PSG11: variants seen among roughly 807,000 people sequenced by gnomAD.
PSG11 encodes pregnancy specific beta-1-glycoprotein 11.
PSG11 carries 42 observed loss-of-function variants against 36.0 expected under a neutral mutation model. That is an observed-to-expected ratio of 1.17 (90% CI 0.91 to 1.51). The LOEUF is 1.51. Among genes scored for constraint, PSG11 ranks in the 40% most tolerant of loss-of-function variants. The pLI, the probability that PSG11 is intolerant of heterozygous loss-of-function variation, is 0.00. For missense variants in PSG11, 558 were observed against 403.5 expected (o/e 1.38, Z -3.28); for synonymous variants, 206 against 153.5 (o/e 1.34, Z -2.53).
chr19:43,015,805 C>T, intron 3 of PSG11: 2 of 1,610,312 alleles, frequency 1.2e-6, no homozygotes, highest in South Asian at 1.1e-5. Context: ...GCGGATGCCA[C>T]CATATCGGTC....
chr19:43,025,933 T>TTTC (rs1967240366), intron 1 of PSG11, among the ~76,000 whole-genome samples: 2 of 86,946 alleles, frequency 2.3e-5, no homozygotes, highest in East Asian at 6.5e-4. Flanking sequence ...TTTTTTTTTT[T>TTTC]CTCTTTTTTT....
At chr19:43,024,252 A>G (rs1967179026) in intron 2 of PSG11, among the ~76,000 whole-genome samples, 1 of 151,384 alleles carries the variant, frequency 6.6e-6, no homozygotes, top group South Asian at 2.1e-4. Flanking sequence ...CAGCCCTGGA[A>G]CAGGCTCCTC....
chr19:43,010,479 G>A, intron 4 of PSG11: 7 of 1,090,834 alleles, frequency 6.4e-6, no homozygotes, highest in East Asian at 2.9e-5. Context: ...CACCTCCTTT[G>A]CACAGAAAGC....
intron 4 of PSG11, chr19:43,014,860 C>T: frequency 1.5e-6 from 2 of 1,360,010 alleles, no homozygotes; most frequent in Non-Finnish European, 1.9e-6. Context: ...GCCTCTTCTA[C>T]CACATAGGGC....
rs527738960 is a variant in PSG11, at chr19:43,008,403, G to T, written c.*41-361C>A. Among the ~76,000 whole-genome samples, 3 of 151,162 alleles carry T rather than the reference G, an allele frequency of 2.0e-5. No homozygotes were observed. In the East Asian group the frequency reaches 5.8e-4, roughly 29 times the overall value. On this transcript the variant is annotated intron_variant, in intron 5 of 5. Transcript: ENST00000320078. ...TTCTTCTGCCTCAGCCTCCTGAGTA[G>T]CTGGGACTACAGGTGCCTGCCACCA...
rs1036680812 is a variant in PSG11, at chr19:43,010,288, A to G, written c.965-247T>C. ...CACTCAGGTATTTTGGAAGGCTTTC[A>G]GACGTGAGAAAGGCTGATTGCTATT... On this transcript the variant is annotated intron_variant, in intron 4 of 5. Coordinates refer to ENST00000320078, the MANE Select transcript of PSG11 (RefSeq NM_002785.3). 1.8e-5 allele frequency: 26 copies of G among 1,479,178 alleles called. No individual in the cohort carries two copies. In the African/African-American group the frequency reaches 3.3e-4, roughly 19 times the overall value. 91.6% of individuals were successfully genotyped at this position (1,479,178 alleles called of 1,614,324 possible).
intron 1 of PSG11, 31 bp downstream of exon 1, chr19:43,026,278 C>G: frequency 6.2e-7 from 1 of 1,608,862 alleles, no homozygotes; most frequent in South Asian, 1.1e-5. Context: ...GCTTCCTCCT[C>G]CTGTCCTCTC....
In PSG11 at chr19:43,012,958, G is replaced by T. The variant is rs191447035; in HGVS notation, c.964+2158C>A. Among the ~76,000 whole-genome samples the T allele has an allele frequency of 6.0e-3, 912 of 151,410 alleles. 27 individuals carry two copies. Among genetic ancestry groups the T allele is most frequent in the African/African-American group, 0.021 (863 of 41,080 alleles). Reference sequence around the variant, plus strand: ...ACATAGAAATTAATGAAATATCATAGCCCAGAAAGAAATGCTTGCATATAT... The same window carrying T: ...ACATAGAAATTAATGAAATATCATATCCCAGAAAGAAATGCTTGCATATAT... On this transcript the variant is annotated intron_variant, in intron 4 of 5. Transcript: ENST00000320078.
intron 2 of PSG11, chr19:43,019,788 T>G (rs1568490607): frequency 6.6e-6 from 1 of 151,848 alleles, no homozygotes. Context: ...GGGTCTATGA[T>G]GCTCCCTTCC....
At chr19:43,017,971 C>T (rs531851952) in intron 3 of PSG11, among the ~76,000 whole-genome samples, 13 of 151,274 alleles carry the variant, frequency 8.6e-5, no homozygotes, top group Admixed American at 8.6e-4. Context: ...CAGGCAAATG[C>T]TGGTGGTTTT....
chr19:43,016,801 CT>C (rs939154736), intron 3 of PSG11, among the ~76,000 whole-genome samples: 4 of 151,516 alleles, frequency 2.6e-5, no homozygotes, highest in African/African-American at 9.7e-5. Flanking sequence ...GTTTCCTTTC[CT>C]TCTGCAGAGG....
intron 4 of PSG11, chr19:43,014,890 C>T: frequency 7.1e-7 from 1 of 1,401,890 alleles, no homozygotes; most frequent in Non-Finnish European, 9.5e-7. Flanking sequence ...ATAAAGCCCC[C>T]TCCCTACCTT....
In PSG11 at chr19:43,026,315, G is replaced by C. The variant is rs1142248; in HGVS notation, c.58C>G (p.Leu20Val). 8.7e-6 allele frequency: 14 copies of C among 1,610,742 alleles called. No homozygotes were observed. The highest frequency in any genetic ancestry group is 4.5e-5 in the East Asian group (2 of 44,676). ...TEHIKWKGLL[L>V]TALLLNFWNL... ...CAGGAAGTTCTCTCCTCACCTGTGAGCAGGAGCCCCTTCCATTTGATGTGC... is the reference window on the plus strand; with the variant it reads ...CAGGAAGTTCTCTCCTCACCTGTGACCAGGAGCCCCTTCCATTTGATGTGC... Residue 20 changes from leucine (L) to valine (V), a missense_variant, in exon 1 of 6, where the codon CTC becomes GTC. Physicochemically the swap from Leu to Val is conservative, Grantham distance 32. Coordinates refer to ENST00000320078, the MANE Select transcript of PSG11 (RefSeq NM_002785.3).
chr19:43,017,337 T>A (rs903344515), intron 3 of PSG11: 1 of 151,576 alleles, frequency 6.6e-6, no homozygotes, highest in Non-Finnish European at 1.5e-5. Context: ...TCAGTGAGAA[T>A]TTCTTTTCAG....
Position 43,018,762 on chromosome 19 carries a change from A to G in PSG11, c.709+8T>C, listed in dbSNP as rs775059548. 8.7e-6 allele frequency: 14 copies of G among 1,612,086 alleles called. No homozygotes were observed. The highest frequency in any genetic ancestry group is 1.1e-5 in the Non-Finnish European group (13 of 1,179,064). The stretch of plus-strand genomic sequence containing the variant: ...AGCCTGGCTCACAGAGGAACAGAAG[A>G]TACTCACGGAGGAGATTCAGGGTGA... On this transcript the variant is annotated splice_region_variant and intron_variant, in intron 3 of 5. Transcript: ENST00000320078.
intron 1 of PSG11, among the ~76,000 whole-genome samples, chr19:43,026,002 C>T (rs1967244629): frequency 7.8e-6 from 1 of 128,304 alleles, no homozygotes; most frequent in Admixed American, 9.0e-5. Context: ...CGTGCAGTGG[C>T]ACTATCTCAG....
intron 3 of PSG11, among the ~76,000 whole-genome samples, chr19:43,017,927 A>T (rs1303470871): frequency 1.3e-5 from 2 of 151,402 alleles, no homozygotes; most frequent in Non-Finnish European, 2.9e-5. Flanking sequence ...GTTAGTGTAT[A>T]GTCTAAAGAA....
In PSG11 at chr19:43,015,338, C is replaced by T. The variant is rs1313013888; in HGVS notation, c.742G>A (p.Val248Ile). 1 of 1,610,578 alleles carries T rather than the reference C, an allele frequency of 6.2e-7. No homozygotes were observed. The highest frequency in any genetic ancestry group is 2.2e-5 in the East Asian group (1 of 44,784). Residue 248 changes from valine (V) to isoleucine (I), a missense_variant, in exon 4 of 6, where the codon GTC (valine) becomes ATC (isoleucine). Val to Ile is a conservative substitution (Grantham distance 29). Transcript: ENST00000320078. ...TTCTCTCCTGAATAGTAAGAGGTGA[C>T]TGAAGGGAAAATTCTGGGGAGGTCT... ...GPDLPRIFPS[V>I]TSYYSGENLD...
At chr19:43,014,401 C>A in intron 4 of PSG11, 1 of 944,946 alleles carries the variant, frequency 1.1e-6, no homozygotes, top group Non-Finnish European at 1.3e-6. Context: ...GTCCCACGTG[C>A]TGTGCCCACA....
Sources: allele counts gnomAD v4.1 joint callset (sites outside exome capture counted in the v4.1 genomes callset), GRCh38; gene constraint gnomAD v4.1.1; transcripts MANE v1.5; gene names NCBI Gene and HGNC (gene_info 2026-07-23, HGNC 2026-07-21).